Variants in PLA1A observed in about 807,000 individuals in gnomAD.
The protein encoded by PLA1A is phosphatidylserine-specific phospholipase A1alpha.
In PLA1A, 47 loss-of-function variants were observed where a neutral mutation model predicts 49.4. The observed-to-expected ratio is 0.95, with a 90% CI of 0.75 to 1.21. The LOEUF is 1.21. Ranked by LOEUF, PLA1A falls within the 50% of genes most tolerant of loss-of-function variation. The pLI is 0.00. For missense variants in PLA1A, 561 were observed against 563.9 expected, an observed-to-expected ratio of 0.99 and a Z score of 0.05; for synonymous variants, 224 against 207.9, an observed-to-expected ratio of 1.08 and a Z score of -0.67.
At chr3:119,609,626 T>C in intron 4 of PLA1A, 50 bp downstream of exon 4, 1 of 1,039,478 alleles carries the variant, frequency 9.6e-7, no homozygotes, top group Non-Finnish European at 1.5e-6. Flanking sequence ...AGAGAAAGCT[T>C]GCCCTGAAAA....
At chr3:119,612,916 A>G (rs1023761930) in intron 4 of PLA1A, 101 bp from the exon 5 acceptor site, 9 of 688,238 alleles carry the variant, frequency 1.3e-5, no homozygotes, top group Middle Eastern at 2.6e-4. Context: ...CTTTTCTGGG[A>G]GGGTCTATGA....
intron 8 of PLA1A, among the ~76,000 whole-genome samples, chr3:119,621,073 T>C (rs1367648514): frequency 6.6e-6 from 1 of 152,208 alleles, no homozygotes; most frequent in Non-Finnish European, 1.5e-5. Flanking sequence ...ATGTTTTGTC[T>C]GGTGGTGGAG....
intron 1 of PLA1A, among the ~76,000 whole-genome samples, chr3:119,601,579 T>C (rs2082619331): frequency 6.6e-6 from 1 of 152,138 alleles, no homozygotes; most frequent in Non-Finnish European, 1.5e-5. Flanking sequence ...TTGGTTGGAG[T>C]GGTGGCTAGG....
chr3:119,618,062 C>G lies in PLA1A; in HGVS notation c.798C>G (p.Leu266=). Residue 266 remains leucine (L), a synonymous_variant, in exon 7 of 11, where the codon CTC becomes CTG. Transcript: ENST00000273371. ...LICDHMRAVH[L]YISALENSCP... Reference sequence around the variant, plus strand: ...GTGATCACATGAGGGCTGTGCACCTCTACATCAGCGCCCTGGAGAATTCCT... The same window carrying G: ...GTGATCACATGAGGGCTGTGCACCTGTACATCAGCGCCCTGGAGAATTCCT... The G allele has an allele frequency of 6.2e-7, 1 of 1,614,066 alleles. No homozygotes were observed. Among genetic ancestry groups the G allele is most frequent in the Non-Finnish European group, 8.5e-7 (1 of 1,179,896 alleles).
chr3:119,608,987 T>A, intron 3 of PLA1A, 40 bp downstream of exon 3: 1 of 1,540,912 alleles, frequency 6.5e-7, no homozygotes, highest in Non-Finnish European at 9.0e-7. Context: ...GGGCTGCGTA[T>A]GAGGAGAGAG....
At chr3:119,599,083 G>A (rs111929342) in intron 1 of PLA1A, among the ~76,000 whole-genome samples, 2 of 152,166 alleles carry the variant, frequency 1.3e-5, no homozygotes, top group African/African-American at 2.4e-5. Context: ...GAGGCAATGG[G>A]CTGAGCTGAT....
intron 10 of PLA1A, 87 bp from the exon 11 acceptor site, chr3:119,629,297 C>G (rs1346650275): frequency 2.5e-6 from 2 of 816,232 alleles, no homozygotes; most frequent in Non-Finnish European, 2.2e-6. Context: ...ATTTCTTTCA[C>G]CAGACATCAT....
chr3:119,608,152 G>C (rs1224708893), intron 2 of PLA1A, among the ~76,000 whole-genome samples: 1 of 150,340 alleles, frequency 6.7e-6, no homozygotes, highest in Non-Finnish European at 1.5e-5. Context: ...GTGAATGAGA[G>C]AAAGAAAGGG....
chr3:119,617,752 A>C (rs1367546069), intron 6 of PLA1A, among the ~76,000 whole-genome samples: 4 of 146,546 alleles, frequency 2.7e-5, no homozygotes, highest in South Asian at 4.4e-4. Context: ...CAAAAAAAAA[A>C]GAAAAGAAAA....
intron 1 of PLA1A, among the ~76,000 whole-genome samples, chr3:119,604,710 T>C (rs1421835395): frequency 6.6e-6 from 1 of 152,168 alleles, no homozygotes; most frequent in African/African-American, 2.4e-5. Context: ...TTTATATTCT[T>C]TTACCTGAAT....
intron 3 of PLA1A, 59 bp downstream of exon 3, chr3:119,609,006 A>C: frequency 7.1e-7 from 1 of 1,414,644 alleles, no homozygotes. Flanking sequence ...AGGGTCAGAA[A>C]GACAAAAGCA....
At position 119,628,784 on chromosome 3, in the gene PLA1A, A is replaced by G. The variant is rs1185993504; in HGVS notation, c.1205A>G (p.Gln402Arg). ...ATAAACCAAGTGAAATTCAAGTTTC[A>G]GTCTTCCAACCGAGTTTGGAAAAAA... ...CQINQVKFKF[Q>R]SSNRVWKKDR... The change falls in exon 10 of 11, where the codon CAG (glutamine) becomes CGG (arginine). Residue 402 changes from glutamine to arginine, a missense_variant. Coordinates refer to ENST00000273371, the MANE Select transcript of PLA1A (RefSeq NM_015900.4). 6.2e-7 allele frequency: 1 copy of G among 1,614,022 alleles called. No individual in the cohort carries two copies. Among genetic ancestry groups the G allele is most frequent in the South Asian group, 1.1e-5 (1 of 91,072 alleles).
intron 10 of PLA1A, 93 bp downstream of exon 10, chr3:119,628,958 A>G: frequency 1.0e-6 from 1 of 974,546 alleles, no homozygotes; most frequent in Non-Finnish European, 1.6e-6. Flanking sequence ...GTTCAATCTC[A>G]TCATAGTGAT....
At chr3:119,603,443 G>A (rs2082644079) in intron 1 of PLA1A, among the ~76,000 whole-genome samples, 1 of 152,166 alleles carries the variant, frequency 6.6e-6, no homozygotes, top group Non-Finnish European at 1.5e-5. Flanking sequence ...TGACTAAGTT[G>A]CTACCAATGT....
chr3:119,604,785 G>A (rs2082664536), intron 1 of PLA1A, among the ~76,000 whole-genome samples: 1 of 152,174 alleles, frequency 6.6e-6, no homozygotes, highest in Non-Finnish European at 1.5e-5. Flanking sequence ...ATTGTGCCAA[G>A]GAGTTTCTCT....
chr3:119,602,324 C>T (rs1457006347), intron 1 of PLA1A, among the ~76,000 whole-genome samples: 1 of 152,050 alleles, frequency 6.6e-6, no homozygotes, highest in East Asian at 1.9e-4. Flanking sequence ...TTCCTTTATG[C>T]TATAGTTTTA....
At chr3:119,613,720 C>T (rs2082801955) in intron 5 of PLA1A, among the ~76,000 whole-genome samples, 1 of 152,152 alleles carries the variant, frequency 6.6e-6, no homozygotes. Context: ...GGTGAAACCC[C>T]GTCTCTACTA....
At chr3:119,608,587 G>A (rs2082725352) in intron 2 of PLA1A, among the ~76,000 whole-genome samples, 183 bp from the exon 3 acceptor site, 1 of 152,252 alleles carries the variant, frequency 6.6e-6, no homozygotes, top group Non-Finnish European at 1.5e-5. Flanking sequence ...TGTGCTGGCG[G>A]AAGGGCTGGC....
intron 8 of PLA1A, among the ~76,000 whole-genome samples, chr3:119,624,837 G>T (rs60363422): frequency 0.028 from 4,291 of 152,248 alleles, 203 homozygotes; most frequent in African/African-American, 0.099. Flanking sequence ...CACCATGTTG[G>T]TCAGACTGGT....
Sources: gnomAD v4.1 joint callset for allele counts (sites outside exome capture counted in the v4.1 genomes callset) on GRCh38, gnomAD v4.1.1 for gene constraint, MANE v1.5 for transcripts, NCBI Gene and HGNC (gene_info 2026-07-23, HGNC 2026-07-21) for gene names.